ZNF600: variants seen among roughly 807,000 people sequenced by gnomAD.
ZNF600 encodes the protein zinc finger protein 600.
A neutral mutation model predicts 7.3 loss-of-function variants in ZNF600; 4 were observed. The ratio of observed to expected loss-of-function variants is 0.55; its 90% CI spans 0.27 to 1.25. The LOEUF is 1.25. ZNF600 is among the 50% of genes most tolerant of loss of function. ZNF600 has a pLI of 0.12. For missense variants in ZNF600, 911 were observed against 922.1 expected (o/e 0.99, Z 0.16); for synonymous variants, 290 against 308.9 (o/e 0.94, Z 0.64).
At chr19:52,807,996 G>A in the ZNF600 span, 9 of 1,612,996 alleles carry the variant, frequency 5.6e-6, no homozygotes, top group African/African-American at 1.2e-4. Context: ...TCCCCAGGAG[G>A]TTATCCTCAC....
chr19:52,766,644 G>A (rs544317507), exon 4 of ZNF600: 2 of 1,614,128 alleles, frequency 1.2e-6, no homozygotes, highest in Non-Finnish European at 1.7e-6. Flanking sequence ...TACAAGGGAT[G>A]ACTTGTGACT....
the ZNF600 span, chr19:52,799,170 C>T: frequency 2.4e-6 from 1 of 410,684 alleles, no homozygotes; most frequent in Admixed American, 3.8e-5. Flanking sequence ...AACTATGCCA[C>T]ATTCATTACA....
At chr19:52,776,123 T>C (rs1487744519) in intron 2 of ZNF600, among the ~76,000 whole-genome samples, 3 of 141,342 alleles carry the variant, frequency 2.1e-5, no homozygotes, top group Non-Finnish European at 4.6e-5. Context: ...TAAAATAACA[T>C]ACTGTCCCAT....
chr19:52,830,011 T>C, the ZNF600 span, among the ~76,000 whole-genome samples: 18 of 152,240 alleles, frequency 1.2e-4, no homozygotes, highest in African/African-American at 2.6e-4. Context: ...CGGTGGCTCA[T>C]GCTTGTAATC....
chr19:52,822,268 C>T, the ZNF600 span, among the ~76,000 whole-genome samples: 1 of 151,816 alleles, frequency 6.6e-6, no homozygotes, highest in Non-Finnish European at 1.5e-5. Context: ...GACAGGATTT[C>T]GCCATGTTGG....
the ZNF600 span, among the ~76,000 whole-genome samples, chr19:52,806,695 A>T: frequency 6.6e-6 from 1 of 151,978 alleles, no homozygotes; most frequent in Admixed American, 6.6e-5. Context: ...TGAGATCAGA[A>T]GTTTGAAACC....
the ZNF600 span, among the ~76,000 whole-genome samples, chr19:52,818,379 C>G: frequency 2.6e-5 from 4 of 152,126 alleles, no homozygotes; most frequent in Non-Finnish European, 5.9e-5. Context: ...AAGTTCGAGA[C>G]CAGCCTGGCC....
rs111825160 is a variant in ZNF600 at position 52,780,234 on chromosome 19, T to C, written c.-19-1327A>G. 1.8e-3 allele frequency among the ~76,000 whole-genome samples: 273 copies of C among 152,206 alleles called. 3 individuals are homozygous for C. The highest frequency in any genetic ancestry group is 6.2e-3 in the African/African-American group (257 of 41,510). On this transcript the variant is annotated intron_variant, in intron 1 of 3. Coordinates refer to ENST00000648973, the Ensembl canonical transcript of ZNF600. ...CCGACCACCCTGGGCAAAATAAACT[T>C]TCTAAATTAACTGAGATCTCTGTAA...
intron 3 of ZNF600, among the ~76,000 whole-genome samples, chr19:52,769,181 G>A (rs1004335393): frequency 2.6e-4 from 39 of 151,914 alleles, no homozygotes; most frequent in African/African-American, 8.5e-4. Context: ...CCCTTTCCCC[G>A]GGGGAGTTTA....
chr19:52,820,088 C>T, the ZNF600 span, among the ~76,000 whole-genome samples: 9 of 142,398 alleles, frequency 6.3e-5, no homozygotes, highest in African/African-American at 2.6e-4. Context: ...TGGGCTCCAT[C>T]CTTGCAACTT....
chr19:52,795,619 T>TG, the ZNF600 span, among the ~76,000 whole-genome samples: 1 of 152,096 alleles, frequency 6.6e-6, no homozygotes, highest in Non-Finnish European at 1.5e-5. Flanking sequence ...CCAGCTGGAG[T>TG]GTAGGTGCGC....
chr19:52,810,043 C>T, the ZNF600 span: 313 of 737,968 alleles, frequency 4.2e-4, 1 homozygote, highest in African/African-American at 4.9e-3. Context: ...CCGCTCCAGC[C>T]CCGCGCCCCA....
chr19:52,810,600 C>G, the ZNF600 span: 4 of 1,528,356 alleles, frequency 2.6e-6, no homozygotes, highest in East Asian at 9.0e-5. Context: ...GCCCGACCAC[C>G]AACTACAGCA....
At chr19:52,831,991 CAATT>C in the ZNF600 span, among the ~76,000 whole-genome samples, 1 of 144,294 alleles carries the variant, frequency 6.9e-6, no homozygotes, top group Non-Finnish European at 1.5e-5. Context: ...AAAATCATTA[CAATT>C]ATTATAAAAA....
the ZNF600 span, among the ~76,000 whole-genome samples, chr19:52,820,332 TGGTCTC>T: frequency 7.4e-6 from 1 of 135,834 alleles, no homozygotes; most frequent in Non-Finnish European, 1.5e-5. Context: ...TTAGCCAGGA[TGGTCTC>T]GATCTCCTGA....
rs112059475 is a variant in ZNF600, at chr19:52,782,522, C to CA, written c.-19-3616dup. ...TGGGCAACAAGAGCAAAACTGCATC[C>CA]AAAAAAAAAAAACCGACAACAGCAA... On this transcript the variant is annotated intron_variant, in intron 1 of 3. Coordinates refer to ENST00000648973, the Ensembl canonical transcript of ZNF600. Among the ~76,000 whole-genome samples the CA allele has an allele frequency of 7.3e-3, 914 of 125,958 alleles. 9 individuals carry two copies. Among genetic ancestry groups the CA allele is most frequent in the African/African-American group, 0.021 (770 of 37,150 alleles). The allele number at this position is 125,958 out of a possible 152,430, so 82.6% of individuals were successfully genotyped here.
At chr19:52,778,058 G>C (rs1203790673) in intron 2 of ZNF600, among the ~76,000 whole-genome samples, 1 of 151,850 alleles carries the variant, frequency 6.6e-6, no homozygotes, top group Non-Finnish European at 1.5e-5. Context: ...CTGTCTCCCA[G>C]GCTGGAGTGC....
chr19:52,776,172 T>C (rs1432830321), intron 2 of ZNF600, among the ~76,000 whole-genome samples: 1 of 149,734 alleles, frequency 6.7e-6, no homozygotes, highest in Non-Finnish European at 1.5e-5. Context: ...GCATCACACA[T>C]ACTAGGAAAA....
chr19:52,803,788 C>A, the ZNF600 span, among the ~76,000 whole-genome samples: 1 of 152,068 alleles, frequency 6.6e-6, no homozygotes, highest in Non-Finnish European at 1.5e-5. Flanking sequence ...GAAACCCCAT[C>A]TCTACTAAAA....
Sources: allele counts gnomAD v4.1 joint callset (sites outside exome capture counted in the v4.1 genomes callset), GRCh38; gene constraint gnomAD v4.1.1; transcripts MANE v1.5; gene names NCBI Gene and HGNC (gene_info 2026-07-23, HGNC 2026-07-21).